Variants in ARID1A observed in about 807,000 individuals in gnomAD.
The protein encoded by ARID1A is AT-rich interaction domain 1A, also known as AT-rich interactive domain-containing protein 1A.
Under a neutral mutation model 212.6 loss-of-function variants are expected in ARID1A, and 20 were observed. The ratio of observed to expected loss-of-function variants is 0.09; its 90% CI spans 0.07 to 0.14. The LOEUF is 0.14. Among genes scored for constraint, ARID1A ranks in the 10% least tolerant of loss-of-function variants. The pLI is 1.00. For synonymous variants in ARID1A, 1,376 were observed against 1,222.1 expected (o/e 1.13, Z -2.63); for missense variants, 2,587 against 3,059.0 (o/e 0.85, Z 3.64).
Position 26,774,350 on chromosome 1 carries a change from G to A in ARID1A, c.4123G>A (p.Gly1375Ser), listed in dbSNP as rs2124117067. 20 of 1,548,018 alleles carry A rather than the reference G, an allele frequency of 1.3e-5. No homozygotes were observed. Among genetic ancestry groups the A allele is most frequent in the Non-Finnish European group, 1.7e-5 (20 of 1,145,232 alleles). Reference protein sequence around the residue: ...QQQNYKRPMDGTYGPPAKRHE... With the variant: ...QQQNYKRPMDSTYGPPAKRHE... Reference sequence around the variant, plus strand: ...TTAGAATTACAAGCGGCCAATGGATGGCACATATGGCCCTCCTGCCAAGCG... The same window carrying A: ...TTAGAATTACAAGCGGCCAATGGATAGCACATATGGCCCTCCTGCCAAGCG... Residue 1375 changes from glycine (G) to serine (S), a missense_variant, in exon 18 of 20, where the codon GGC becomes AGC. Gly to Ser is a moderately conservative substitution (Grantham distance 56). Around this residue, in one of 11 missense-constraint regions of ARID1A, gnomAD observed 890 missense variants for 1,098.2 expected, o/e 0.81. Coordinates refer to ENST00000324856, the MANE Select transcript of ARID1A (RefSeq NM_006015.6). The surrounding 1 kb of genome is among the most constrained non-coding windows in gnomAD (Gnocchi z 5.6).
In ARID1A at chr1:26,696,971, G is replaced by A. The variant is rs1253810269; in HGVS notation, c.568G>A (p.Gly190Arg). ...GGCAGCGCTGCAGAGCGGCGGCGGC[G>A]GGGGCCTGGAGCCCTACGCGGGGCC... ...GLAALQSGGG[G>R]GLEPYAGPQQ... Residue 190 changes from glycine (G) to arginine (R), a missense_variant, in exon 1 of 20, where the codon GGG becomes AGG. Gly to Arg is a moderately radical substitution (Grantham distance 125). Transcript: ENST00000324856. 5 of 1,479,372 alleles carry A rather than the reference G, an allele frequency of 3.4e-6. No homozygotes were observed. In the Admixed American group the frequency reaches 1.1e-4, roughly 32 times the overall value. 91.6% of individuals were successfully genotyped at this position (1,479,372 alleles called of 1,614,324 possible). A position where few individuals can be genotyped will look rare whatever the true frequency, so the allele number is the denominator to read the frequency against.
In ARID1A at chr1:26,697,080, C is replaced by T. The variant is rs554967182; in HGVS notation, c.677C>T (p.Ala226Val). 31 of 1,495,190 alleles carry T rather than the reference C, an allele frequency of 2.1e-5. No individual in the cohort carries two copies. In the South Asian group the frequency reaches 3.7e-4, roughly 18 times the overall value. 92.6% of individuals were successfully genotyped at this position (1,495,190 alleles called of 1,614,324 possible). ...YPNRSAYPPPAPAYALSSPRG... is the reference protein window; with the variant it reads ...YPNRSAYPPPVPAYALSSPRG... ...AACCGCAGCGCCTACCCCCCGCCCG[C>T]CCCGGCCTACGCGCTGAGCTCCCCG... Residue 226 changes from alanine (A) to valine (V), a missense_variant, in exon 1 of 20, where the codon GCC becomes GTC. Around this residue, in one of 11 missense-constraint regions of ARID1A, gnomAD observed 735 missense variants for 590.6 expected, o/e 1.24. Transcript: ENST00000324856.
At chr1:26,775,897 A>G (rs547897268) in intron 19 of ARID1A, 190 bp downstream of exon 19, 9 of 830,332 alleles carry the variant, frequency 1.1e-5, no homozygotes, top group South Asian at 5.8e-5. Context: ...ATTTGTTTAC[A>G]TGATAACCTT....
At position 26,774,050 on chromosome 1, in the gene ARID1A, C is replaced by T. The variant is rs1045800168; in HGVS notation, c.4101+152C>T. The T allele has an allele frequency of 1.8e-5, 20 of 1,092,700 alleles. No individual in the cohort carries two copies. The highest frequency in any genetic ancestry group is 3.2e-5 in the South Asian group (2 of 63,196). 67.7% of individuals were successfully genotyped at this position (1,092,700 alleles called of 1,614,324 possible). ...CTGGCCAGTCCTGCCTGAAGAGCCA[C>T]GTCCTCAATCTCTTCTCTATTTGGA... On this transcript the variant is annotated intron_variant, in intron 17 of 19. Transcript: ENST00000324856. This position sits in a 1 kb window ranked among gnomAD's most constrained non-coding sequence, Gnocchi z 5.6.
chr1:26,737,760 G>T (rs2124798674), intron 4 of ARID1A, among the ~76,000 whole-genome samples: 2 of 151,978 alleles, frequency 1.3e-5, no homozygotes, highest in South Asian at 4.2e-4. Context: ...AGCTACTAGG[G>T]AGGCTGAGGC....
intron 1 of ARID1A, among the ~76,000 whole-genome samples, chr1:26,723,833 C>T (rs1184480027): frequency 6.6e-6 from 1 of 152,078 alleles, no homozygotes; most frequent in Non-Finnish European, 1.5e-5. Context: ...AACACAACCA[C>T]TCGCGCTCTC....
At chr1:26,714,800 G>A (rs1342502340) in intron 1 of ARID1A, among the ~76,000 whole-genome samples, 1 of 152,088 alleles carries the variant, frequency 6.6e-6, no homozygotes, top group Non-Finnish European at 1.5e-5. Context: ...GGACTTAGGG[G>A]GACCTAGTGA....
Position 26,771,090 on chromosome 1 carries a change from AC to A in ARID1A, c.3199-27del. ...GGCAGGAAAACCAGGCGGGAGATAT[AC>A]CTCGACTCCTTTGGTTTGGTTATAC... On this transcript the variant is annotated intron_variant, in intron 11 of 19. Transcript: ENST00000324856. The surrounding 1 kb of genome is among the most constrained non-coding windows in gnomAD (Gnocchi z 5.4). The A allele has an allele frequency of 6.2e-7, 1 of 1,610,844 alleles. No homozygotes were observed. Among genetic ancestry groups the A allele is most frequent in the African/African-American group, 1.3e-5 (1 of 74,978 alleles).
chr1:26,780,866 G>T lies in ARID1A; in HGVS notation c.*110G>T, dbSNP rs570966006. ...ACCACCTCAGAATCCAGTTTACCCTGTGCTGTCCAGCTTCTCCCTTGGGAA... is the reference window on the plus strand; with the variant it reads ...ACCACCTCAGAATCCAGTTTACCCTTTGCTGTCCAGCTTCTCCCTTGGGAA... On this transcript the variant is annotated 3_prime_UTR_variant, in exon 20 of 20. Coordinates refer to ENST00000324856, the MANE Select transcript of ARID1A (RefSeq NM_006015.6). This position sits in a 1 kb window ranked among gnomAD's most constrained non-coding sequence, Gnocchi z 7.2. The T allele has an allele frequency of 7.8e-6, 11 of 1,417,602 alleles. No individual in the cohort carries two copies. Among genetic ancestry groups the T allele is most frequent in the Non-Finnish European group, 9.4e-6 (10 of 1,061,480 alleles). The allele number at this position is 1,417,602 out of a possible 1,614,324, so 87.8% of individuals were successfully genotyped here. A position where few individuals can be genotyped will look rare whatever the true frequency, so the allele number is the denominator to read the frequency against.
At chr1:26,777,386 T>A (rs1043776153) in intron 19 of ARID1A, among the ~76,000 whole-genome samples, 6 of 149,806 alleles carry the variant, frequency 4.0e-5, no homozygotes, top group Admixed American at 4.0e-4. Context: ...ATGCTCATGC[T>A]CAGCTAATTT....
chr1:26,729,779 C>T lies in ARID1A; in HGVS notation c.1266C>T (p.Tyr422=), dbSNP rs144272459. 4.6e-4 allele frequency: 740 copies of T among 1,614,252 alleles called. 6 individuals carry two copies. In the South Asian group the frequency reaches 4.6e-3, roughly 10 times the overall value. ...QQGHGYPGQP[Y]GSQTPQRYPM... ...GACATGGGTACCCAGGGCAGCCATA[C>T]GGGTCCCAGACCCCGCAGCGGTACC... The change falls in exon 2 of 20, where the codon TAC becomes TAT. Residue 422 remains tyrosine, a synonymous_variant. Coordinates refer to ENST00000324856, the MANE Select transcript of ARID1A (RefSeq NM_006015.6).
At chr1:26,750,436 C>A (rs1433918165) in intron 4 of ARID1A, among the ~76,000 whole-genome samples, 1 of 152,188 alleles carries the variant, frequency 6.6e-6, no homozygotes, top group African/African-American at 2.4e-5. Flanking sequence ...TGGAGCACCT[C>A]TGTGGCCAGA....
At chr1:26,770,188 G>A (rs2081071544) in intron 11 of ARID1A, 3 of 152,096 alleles carry the variant, frequency 2.0e-5, no homozygotes, top group Non-Finnish European at 2.9e-5. Context: ...ACTCGAGCCT[G>A]GGTGACAGAG....
intron 10 of ARID1A, 56 bp from the exon 11 acceptor site, chr1:26,767,734 T>G (rs2081051602): frequency 6.7e-6 from 10 of 1,501,358 alleles, no homozygotes; most frequent in Non-Finnish European, 5.5e-6. Flanking sequence ...TCTGAGACCC[T>G]TAGCACAGGC....
intron 1 of ARID1A, among the ~76,000 whole-genome samples, chr1:26,727,026 G>A (rs1248735724): frequency 6.6e-6 from 1 of 152,242 alleles, no homozygotes; most frequent in Non-Finnish European, 1.5e-5. Context: ...GAATCTTGGA[G>A]TGAGACTGAA....
At chr1:26,772,017 T>C (rs2081086884) in intron 12 of ARID1A, 1 of 169,306 alleles carries the variant, frequency 5.9e-6, no homozygotes, top group African/African-American at 2.4e-5. Flanking sequence ...TTTGTACTCA[T>C]CAGCTTAGAA....
At chr1:26,762,891 ATTGT>A (rs1427400735) in intron 7 of ARID1A, 78 bp from the exon 8 acceptor site, 15 of 1,308,018 alleles carry the variant, frequency 1.1e-5, no homozygotes, top group African/African-American at 4.5e-5. Context: ...ATTGAATGAC[ATTGT>A]TTGGTGTTCT....
At chr1:26,724,170 A>T (rs2080594500) in intron 1 of ARID1A, among the ~76,000 whole-genome samples, 1 of 152,136 alleles carries the variant, frequency 6.6e-6, no homozygotes, top group Admixed American at 6.5e-5. Context: ...AAATGTCCAA[A>T]AGCCAAGGTT....
At chr1:26,710,939 A>C (rs973613721) in intron 1 of ARID1A, among the ~76,000 whole-genome samples, 1 of 152,166 alleles carries the variant, frequency 6.6e-6, no homozygotes, top group East Asian at 1.9e-4. Flanking sequence ...GAGGTGGCTT[A>C]AACAACAAAC....
Sources: gnomAD v4.1 joint callset for allele counts (sites outside exome capture counted in the v4.1 genomes callset) on GRCh38, gnomAD v4.1.1 for gene constraint, gnomAD v4.1.1 regional missense constraint, Gnocchi (gnomAD v3.1) non-coding constraint, MANE v1.5 for transcripts, NCBI Gene and HGNC (gene_info 2026-07-23, HGNC 2026-07-21) for gene names.